Variants in MCF2 observed in about 807,000 individuals in gnomAD.
MCF2 encodes proto-oncogene DBL.
A neutral mutation model predicts 82.5 loss-of-function variants in MCF2; 44 were observed. The observed-to-expected ratio is 0.53, with a 90% CI of 0.42 to 0.69. The LOEUF is 0.69. Ranked by LOEUF, MCF2 falls within the 30% of genes least tolerant of loss-of-function variation. The probability of loss-of-function intolerance (pLI) is 0.00; values close to 1 mark genes in which losing one functional copy is unlikely to be tolerated. For synonymous variants in MCF2, 217 were observed against 224.9 expected, an observed-to-expected ratio of 0.96 and a Z score of 0.32; for missense variants, 623 against 663.1, an observed-to-expected ratio of 0.94 and a Z score of 0.66.
rs1322564373 is a variant in MCF2, at chrX:139,594,645, C to G, written c.2277+1904G>C. ...ATCCTAGAAGAAAACCTAGGCATTA[C>G]CATTCAGGACATAGGCATGGGCAAG... On this transcript the variant is annotated intron_variant, in intron 19 of 24. Coordinates refer to ENST00000370576, the Ensembl canonical transcript of MCF2. Among the ~76,000 whole-genome samples the G allele has an allele frequency of 4.5e-5, 5 of 110,821 alleles. No homozygotes were observed. In the Admixed American group the frequency reaches 4.8e-4, roughly 11 times the overall value.
chrX:139,600,444 A>G (rs1930453296), intron 16 of MCF2, among the ~76,000 whole-genome samples: 1 of 111,343 alleles, frequency 9.0e-6, no homozygotes, highest in African/African-American at 3.3e-5. Flanking sequence ...ATCTAGAAAG[A>G]GTAAAACACA....
At chrX:139,630,074 C>T (rs1760311985) in intron 3 of MCF2, among the ~76,000 whole-genome samples, 1 of 111,405 alleles carries the variant, frequency 9.0e-6, no homozygotes, top group South Asian at 3.7e-4. Flanking sequence ...TATCTTTTAT[C>T]CAAATTTCTT....
At chrX:139,641,974 A>G (rs1368774372) in intron 1 of MCF2, among the ~76,000 whole-genome samples, 2 of 111,541 alleles carry the variant, frequency 1.8e-5, no homozygotes, top group Non-Finnish European at 3.8e-5. Flanking sequence ...AATTGAAACC[A>G]TAAGGATTTC....
rs141471165 is a variant in MCF2, at chrX:139,650,457, C to T, written c.25+1263G>A. 4.2e-3 allele frequency among the ~76,000 whole-genome samples: 466 copies of T among 111,291 alleles called. 1 individual carries two copies. The highest frequency in any genetic ancestry group is 6.9e-3 in the Non-Finnish European group (368 of 53,031). ...GTTTAGTAAACTGAGCATGTGAGTG[C>T]CATTTTTCAGAGAATTAATTAAACT... On this transcript the variant is annotated intron_variant, in intron 2 of 27. Transcript: ENST00000414978.
At chrX:139,604,871 G>A (rs757590117) in exon 14 of MCF2, 33 of 1,137,477 alleles carry the variant, frequency 2.9e-5, no homozygotes, top group African/African-American at 3.6e-5. Flanking sequence ...TTACATACTC[G>A]TTATGGAATT....
At chrX:139,617,145 G>GC (rs978074627) in intron 8 of MCF2, among the ~76,000 whole-genome samples, 12 of 110,747 alleles carry the variant, frequency 1.1e-4, no homozygotes, top group Admixed American at 1.9e-4. Flanking sequence ...TTAGCAAAAT[G>GC]CCCCCCCAGG....
chrX:139,673,020 A>G (rs1225014909), intron 1 of MCF2, among the ~76,000 whole-genome samples: 1 of 111,665 alleles, frequency 9.0e-6, no homozygotes, highest in African/African-American at 3.3e-5. Flanking sequence ...TCAGAGATTC[A>G]AGTTCTTCCT....
chrX:139,673,640 T>C (rs1272095452), intron 1 of MCF2, among the ~76,000 whole-genome samples: 3 of 112,307 alleles, frequency 2.7e-5, no homozygotes, highest in Non-Finnish European at 5.6e-5. Context: ...GTGAGTTTCT[T>C]AATCCTGAGT....
chrX:139,661,878 C>A (rs1040521753), intron 1 of MCF2, among the ~76,000 whole-genome samples: 3 of 112,089 alleles, frequency 2.7e-5, no homozygotes, highest in Non-Finnish European at 5.6e-5. Flanking sequence ...ATAATATTAG[C>A]CATGAGTTCA....
At chrX:139,623,706 C>T (rs983561928) in intron 6 of MCF2, among the ~76,000 whole-genome samples, 3 of 110,938 alleles carry the variant, frequency 2.7e-5, no homozygotes, top group Admixed American at 9.6e-5. Flanking sequence ...ATGTAACAAA[C>T]GTGCATGTGT....
intron 1 of MCF2, among the ~76,000 whole-genome samples, chrX:139,662,665 G>A (rs1934388447): frequency 9.1e-6 from 1 of 110,290 alleles, no homozygotes; most frequent in South Asian, 3.9e-4. Context: ...GGTGTCCCAA[G>A]TACCCAAGTG....
chrX:139,676,221 C>T (rs750272232), intron 1 of MCF2, among the ~76,000 whole-genome samples: 26 of 112,051 alleles, frequency 2.3e-4, no homozygotes, highest in Non-Finnish European at 4.0e-4. Flanking sequence ...TTCCAGGTGC[C>T]GTCTATCACG....
intron 11 of MCF2, among the ~76,000 whole-genome samples, chrX:139,609,696 C>T (rs1293823320): frequency 9.0e-6 from 1 of 111,201 alleles, no homozygotes; most frequent in Non-Finnish European, 1.9e-5. Context: ...CACAGTGATG[C>T]ACACCTGTAG....
chrX:139,617,422 T>G, intron 8 of MCF2, 91 bp downstream of exon 11: 1 of 627,659 alleles, frequency 1.6e-6, no homozygotes, highest in Non-Finnish European at 2.4e-6. Flanking sequence ...AAGTATTCCA[T>G]GCGACAGGAG....
At chrX:139,671,414 C>T (rs1245199108) in intron 1 of MCF2, among the ~76,000 whole-genome samples, 1 of 111,511 alleles carries the variant, frequency 9.0e-6, no homozygotes, top group Non-Finnish European at 1.9e-5. Flanking sequence ...ATGGTATTGC[C>T]TAGGTTTTCT....
chrX:139,592,535 C>A (rs895995416), intron 19 of MCF2, among the ~76,000 whole-genome samples: 7 of 111,730 alleles, frequency 6.3e-5, no homozygotes, highest in African/African-American at 2.3e-4. Flanking sequence ...GCATTTGGGT[C>A]AAATATGCCT....
Position 139,698,863 on chromosome X carries a change from A to G in MCF2, c.-45+9243T>C, listed in dbSNP as rs147345477. On this transcript the variant is annotated intron_variant, in intron 1 of 27. Coordinates refer to the MCF2 transcript ENST00000414978. ...TTGATATACAGTTGCTGTTACTACT[A>G]ATAATTACAAAATTAATAATAAGTA... is the stretch of plus-strand genomic sequence containing the variant. Among the ~76,000 whole-genome samples the G allele has an allele frequency of 3.8e-3, 430 of 111,829 alleles. 3 individuals are homozygous for G. Among genetic ancestry groups the G allele is most frequent in the African/African-American group, 0.014 (417 of 30,841 alleles).
chrX:139,590,138 C>T lies in MCF2; in HGVS notation c.2278-211G>A, dbSNP rs547167501. On this transcript the variant is annotated intron_variant, in intron 19 of 24. Coordinates refer to ENST00000370576, the Ensembl canonical transcript of MCF2. The stretch of plus-strand genomic sequence containing the variant: ...TATGCACTTTATAGTTCAGATTGCA[C>T]GCTTCATTTCAGTGGTTGACACAAA... Among the ~76,000 whole-genome samples, 80 of 111,160 alleles carry T rather than the reference C, an allele frequency of 7.2e-4. 1 individual carries two copies. The South Asian group carries it at 0.02, about 28-fold the overall frequency.
intron 1 of MCF2, among the ~76,000 whole-genome samples, chrX:139,658,503 A>G (rs976588209): frequency 9.0e-6 from 1 of 110,701 alleles, no homozygotes; most frequent in Non-Finnish European, 1.9e-5. Flanking sequence ...GTTCACAAAT[A>G]TAAAATAAAA....
Sources: gnomAD v4.1 joint callset for allele counts (sites outside exome capture counted in the v4.1 genomes callset) on GRCh38, gnomAD v4.1.1 for gene constraint, MANE v1.5 for transcripts, NCBI Gene and HGNC (gene_info 2026-07-23, HGNC 2026-07-21) for gene names.